The following HECW1 variants were observed in gnomAD, a reference collection of about 807,000 sequenced individuals.
The protein encoded by HECW1 is HECT, C2 and WW domain containing E3 ubiquitin protein ligase 1.
HECW1 carries 61 observed loss-of-function variants against 182.3 expected under a neutral mutation model. The observed-to-expected ratio is 0.33, with a 90% CI of 0.27 to 0.41. HECW1 has a LOEUF of 0.41. Among genes scored for constraint, HECW1 ranks in the 10% least tolerant of loss-of-function variants. The pLI is 1.00. For missense variants in HECW1, 1,739 were observed against 2,108.9 expected, an observed-to-expected ratio of 0.82 and a Z score of 3.44; for synonymous variants, 859 against 832.6, an observed-to-expected ratio of 1.03 and a Z score of -0.55.
chr7:43,160,059 A>G (rs1165817019), intron 2 of HECW1, among the ~76,000 whole-genome samples: 2 of 152,192 alleles, frequency 1.3e-5, no homozygotes, highest in African/African-American at 4.8e-5. Context: ...AAATTAAACT[A>G]TTGTTTCACT....
At chr7:43,127,698 G>A (rs1477159459) in intron 2 of HECW1, among the ~76,000 whole-genome samples, 1 of 152,112 alleles carries the variant, frequency 6.6e-6, no homozygotes, top group Non-Finnish European at 1.5e-5. Flanking sequence ...AGAGACATGA[G>A]CAAGCTGCAG....
chr7:43,433,522 C>T (rs1185558236), intron 8 of HECW1, among the ~76,000 whole-genome samples: 2 of 152,184 alleles, frequency 1.3e-5, no homozygotes, highest in African/African-American at 2.4e-5. Flanking sequence ...CCAACATCTG[C>T]GCTTAAACAA....
chr7:43,275,623 G>A (rs1803021787), intron 3 of HECW1, among the ~76,000 whole-genome samples: 1 of 152,068 alleles, frequency 6.6e-6, no homozygotes, highest in South Asian at 2.1e-4. Flanking sequence ...CCAAATTACG[G>A]AGCTGCCTTG....
intron 3 of HECW1, among the ~76,000 whole-genome samples, chr7:43,279,124 A>G (rs924383238): frequency 6.6e-6 from 1 of 152,198 alleles, no homozygotes; most frequent in Non-Finnish European, 1.5e-5. Flanking sequence ...TTTCAGATTC[A>G]ACATTTGGTG....
chr7:43,495,648 G>A (rs2079091060), intron 19 of HECW1, among the ~76,000 whole-genome samples: 2 of 152,128 alleles, frequency 1.3e-5, no homozygotes, highest in Non-Finnish European at 2.9e-5. Flanking sequence ...ATGAACAAGT[G>A]ATCTTTAGCG....
chr7:43,267,200 G>T (rs1488286352), intron 3 of HECW1, among the ~76,000 whole-genome samples: 1 of 152,052 alleles, frequency 6.6e-6, no homozygotes, highest in Non-Finnish European at 1.5e-5. Flanking sequence ...GATCTATAAA[G>T]CATCTATACA....
At chr7:43,230,945 C>T (rs1797829586) in intron 2 of HECW1, among the ~76,000 whole-genome samples, 1 of 152,180 alleles carries the variant, frequency 6.6e-6, no homozygotes, top group African/African-American at 2.4e-5. Context: ...AGCATTAGCA[C>T]ATCATCAGGG....
chr7:43,248,005 GAA>G (rs199506289), intron 3 of HECW1, among the ~76,000 whole-genome samples: 1,683 of 127,542 alleles, frequency 0.013, 44 homozygotes, highest in African/African-American at 0.047. Context: ...AGGAAGGAAA[GAA>G]AGAGAGAAAG....
At chr7:43,474,753 T>G (rs1452747319) in intron 16 of HECW1, among the ~76,000 whole-genome samples, 1 of 152,210 alleles carries the variant, frequency 6.6e-6, no homozygotes, top group Non-Finnish European at 1.5e-5. Flanking sequence ...AGAGTTTACA[T>G]GAATGGATAA....
At chr7:43,348,490 ATTT>A (rs371969375) in intron 5 of HECW1, among the ~76,000 whole-genome samples, 2 of 147,950 alleles carry the variant, frequency 1.4e-5, no homozygotes, top group Non-Finnish European at 3.0e-5. Flanking sequence ...ATCTTTTGTA[ATTT>A]TTTTTTTGTT....
In HECW1 at chr7:43,544,981, T is replaced by C. The variant is rs533402982; in HGVS notation, c.4248+2983T>C. 2.6e-5 allele frequency among the ~76,000 whole-genome samples: 4 copies of C among 152,354 alleles called. No homozygotes were observed. The East Asian group carries it at 7.7e-4, about 29-fold the overall frequency. On this transcript the variant is annotated intron_variant, in intron 26 of 29. Transcript: ENST00000395891. ...GTTTACAGGGAAAAAGAGTTTATGTTGATCAGGCACAGTGGCTCATGCCTG... is the reference window on the plus strand; with the variant it reads ...GTTTACAGGGAAAAAGAGTTTATGTCGATCAGGCACAGTGGCTCATGCCTG...
chr7:43,375,818 T>C (rs979490918), intron 6 of HECW1, among the ~76,000 whole-genome samples: 4 of 144,436 alleles, frequency 2.8e-5, no homozygotes, highest in Non-Finnish European at 6.0e-5. Flanking sequence ...GCTTGAGCCC[T>C]GGAGGTCAAG....
At chr7:43,361,363 TA>T (rs1290914066) in intron 6 of HECW1, among the ~76,000 whole-genome samples, 2 of 152,244 alleles carry the variant, frequency 1.3e-5, no homozygotes, top group Non-Finnish European at 2.9e-5. Context: ...CTTATGTTTT[TA>T]TTTCTTTTAG....
At chr7:43,136,200 A>G (rs370974815) in intron 2 of HECW1, among the ~76,000 whole-genome samples, 18 of 152,264 alleles carry the variant, frequency 1.2e-4, no homozygotes, top group African/African-American at 1.9e-4. Flanking sequence ...TGATACTACT[A>G]TAGACAGGAT....
At chr7:43,337,408 T>C (rs1036692587) in intron 5 of HECW1, among the ~76,000 whole-genome samples, 1 of 152,128 alleles carries the variant, frequency 6.6e-6, no homozygotes, top group African/African-American at 2.4e-5. Flanking sequence ...GTTTGAGTCA[T>C]CTGATATAGA....
intron 21 of HECW1, among the ~76,000 whole-genome samples, chr7:43,503,696 G>C (rs1378060221): frequency 6.6e-6 from 1 of 151,068 alleles, no homozygotes; most frequent in East Asian, 2.0e-4. Context: ...CATTCTCTTA[G>C]ACTGGTATGA....
chr7:43,462,422 C>G (rs1297602661), intron 13 of HECW1, among the ~76,000 whole-genome samples: 2 of 151,846 alleles, frequency 1.3e-5, no homozygotes, highest in African/African-American at 4.8e-5. Flanking sequence ...AGCAATGGTT[C>G]ATTCTCAAGA....
chr7:43,450,648 T>TA (rs1015602432), intron 11 of HECW1, among the ~76,000 whole-genome samples, 180 bp from the exon 12 acceptor site: 1 of 152,144 alleles, frequency 6.6e-6, no homozygotes, highest in Non-Finnish European at 1.5e-5. Flanking sequence ...TCTTCTTTTT[T>TA]AAAAAAATAT....
intron 3 of HECW1, among the ~76,000 whole-genome samples, chr7:43,252,374 T>C (rs2152727129): frequency 6.6e-6 from 1 of 152,304 alleles, no homozygotes; most frequent in African/African-American, 2.4e-5. Context: ...CTTAGGGCCA[T>C]GTGTACTTAC....
Sources: allele counts gnomAD v4.1 joint callset (sites outside exome capture counted in the v4.1 genomes callset), GRCh38; gene constraint gnomAD v4.1.1; transcripts MANE v1.5; gene names NCBI Gene and HGNC (gene_info 2026-07-23, HGNC 2026-07-21).